Variants in UNC13C observed in about 807,000 individuals in gnomAD.
UNC13C encodes unc-13 homolog C, also known as protein unc-13 homolog C.
UNC13C carries 174 observed loss-of-function variants against 245.4 expected under a neutral mutation model. The ratio of observed to expected loss-of-function variants is 0.71; its 90% confidence interval spans 0.63 to 0.80. The LOEUF is 0.80. Ranked by LOEUF, UNC13C falls within the 30% of genes least tolerant of loss-of-function variation. The pLI is 0.00. For synonymous variants in UNC13C, 992 were observed against 895.1 expected, an observed-to-expected ratio of 1.11 and a Z score of -1.93; for missense variants, 2,829 against 2,602.9, an observed-to-expected ratio of 1.09 and a Z score of -1.89.
chr15:54,076,969 GTATTTTA>G (rs1188175546), intron 2 of UNC13C, among the ~76,000 whole-genome samples: 1 of 152,126 alleles, frequency 6.6e-6, no homozygotes, highest in Non-Finnish European at 1.5e-5. Flanking sequence ...CTGTGGAATG[GTATTTTA>G]TCCACATATT....
At chr15:54,565,470 T>C (rs967795992) in intron 29 of UNC13C, among the ~76,000 whole-genome samples, 2 of 152,044 alleles carry the variant, frequency 1.3e-5, no homozygotes, top group African/African-American at 4.8e-5. Flanking sequence ...GTCATCCTTA[T>C]AAATGCTGTC....
At chr15:54,351,893 A>G (rs1352890339) in intron 17 of UNC13C, among the ~76,000 whole-genome samples, 1 of 152,086 alleles carries the variant, frequency 6.6e-6, no homozygotes, top group African/African-American at 2.4e-5. Context: ...TCTCTAAAAT[A>G]ATGCAATATC....
chr15:53,928,421 A>G, the UNC13C span, among the ~76,000 whole-genome samples: 2 of 152,202 alleles, frequency 1.3e-5, no homozygotes, highest in East Asian at 3.9e-4. Flanking sequence ...TGGGCGAGCC[A>G]GGTGTTCCTT....
At chr15:54,229,788 C>T (rs2035497666) in intron 4 of UNC13C, among the ~76,000 whole-genome samples, 1 of 152,140 alleles carries the variant, frequency 6.6e-6, no homozygotes, top group Non-Finnish European at 1.5e-5. Context: ...CTCCCCTTCC[C>T]TGCCATCCAC....
chr15:54,417,651 GA>G (rs1394336483), intron 19 of UNC13C, among the ~76,000 whole-genome samples: 1 of 151,926 alleles, frequency 6.6e-6, no homozygotes, highest in East Asian at 1.9e-4. Flanking sequence ...CTTTTTAGTA[GA>G]ATAGATGGTC....
At chr15:54,483,070 A>T (rs908050816) in intron 19 of UNC13C, among the ~76,000 whole-genome samples, 3 of 152,234 alleles carry the variant, frequency 2.0e-5, no homozygotes, top group Non-Finnish European at 4.4e-5. Context: ...ATTTTCTAAT[A>T]TAGTGAATAC....
chr15:54,136,706 T>C (rs8040723), intron 2 of UNC13C, among the ~76,000 whole-genome samples: 48,507 of 152,014 alleles, frequency 0.32, 7,882 homozygotes, highest in Admixed American at 0.37. Context: ...TTTTATTATG[T>C]ACAGGTGCAT....
intron 4 of UNC13C, among the ~76,000 whole-genome samples, chr15:54,196,065 G>C (rs1290717883): frequency 6.6e-6 from 1 of 152,056 alleles, no homozygotes; most frequent in African/African-American, 2.4e-5. Context: ...CATCCAAGCA[G>C]ATTATGTTTT....
chr15:54,207,617 T>A (rs1214804366), intron 4 of UNC13C, among the ~76,000 whole-genome samples: 1 of 152,140 alleles, frequency 6.6e-6, no homozygotes, highest in Admixed American at 6.6e-5. Context: ...CCATTAAAGA[T>A]ACATATAATG....
At chr15:53,851,333 G>T in the UNC13C span, among the ~76,000 whole-genome samples, 1 of 152,082 alleles carries the variant, frequency 6.6e-6, no homozygotes, top group Non-Finnish European at 1.5e-5. Flanking sequence ...CAGTTTGATC[G>T]TTTTGAGGCT....
chr15:53,981,395 T>G (rs560050926), intron 1 of UNC13C, among the ~76,000 whole-genome samples: 28 of 152,304 alleles, frequency 1.8e-4, no homozygotes, highest in Admixed American at 1.1e-3. Flanking sequence ...TTTAAATACA[T>G]GCCAAGTTTG....
At chr15:54,263,551 G>T (rs1290114288) in intron 8 of UNC13C, among the ~76,000 whole-genome samples, 1 of 152,144 alleles carries the variant, frequency 6.6e-6, no homozygotes, top group African/African-American at 2.4e-5. Flanking sequence ...AGTGGAAAAT[G>T]AGTATTCAGT....
At chr15:54,485,492 C>T (rs865875207) in intron 19 of UNC13C, among the ~76,000 whole-genome samples, 6 of 152,324 alleles carry the variant, frequency 3.9e-5, no homozygotes, top group Middle Eastern at 3.4e-3. Context: ...GCTGCCCTGT[C>T]CCTTGTTCTA....
chr15:54,379,449 C>G (rs544009540), intron 17 of UNC13C, among the ~76,000 whole-genome samples: 1 of 152,048 alleles, frequency 6.6e-6, no homozygotes, highest in Admixed American at 6.6e-5. Context: ...AAAAGCAAGT[C>G]CTGTTTTTAA....
intron 4 of UNC13C, among the ~76,000 whole-genome samples, chr15:54,221,724 C>G (rs1196101469): frequency 1.3e-5 from 2 of 152,010 alleles, no homozygotes; most frequent in African/African-American, 4.8e-5. Flanking sequence ...CAGAAATAAA[C>G]AGAAACACTG....
chr15:54,362,035 G>T (rs767949728), intron 17 of UNC13C, among the ~76,000 whole-genome samples: 1 of 152,154 alleles, frequency 6.6e-6, no homozygotes, highest in Non-Finnish European at 1.5e-5. Context: ...CAGGGATTTG[G>T]GCCTTCCTGC....
Position 54,073,398 on chromosome 15 carries a change from G to A in UNC13C, c.2983+57512G>A, listed in dbSNP as rs373065603. Among the ~76,000 whole-genome samples, 52 of 152,262 alleles carry A rather than the reference G, an allele frequency of 3.4e-4. 1 individual carries two copies. In the East Asian group the frequency reaches 6.8e-3, roughly 20 times the overall value. On this transcript the variant is annotated intron_variant, in intron 2 of 32. Transcript: ENST00000260323. ...TTATAATCCTTTGGTTATATACCCA[G>A]TAATGGGATTGCTGGGTCCAATGGT...
chr15:54,602,771 T>A (rs1205918952), intron 30 of UNC13C, among the ~76,000 whole-genome samples: 1 of 152,202 alleles, frequency 6.6e-6, no homozygotes, highest in Non-Finnish European at 1.5e-5. Context: ...GACTTTTCAT[T>A]GTAATCAATT....
intron 30 of UNC13C, among the ~76,000 whole-genome samples, chr15:54,572,416 T>A (rs939624110): frequency 4.6e-5 from 7 of 150,852 alleles, no homozygotes; most frequent in Admixed American, 1.3e-4. Context: ...GATTTTTTTG[T>A]CTCTTTAATT....
Sources: allele counts gnomAD v4.1 joint callset (sites outside exome capture counted in the v4.1 genomes callset), GRCh38; gene constraint gnomAD v4.1.1; transcripts MANE v1.5; gene names NCBI Gene and HGNC (gene_info 2026-07-23, HGNC 2026-07-21).